Variants in CDH13 observed in about 807,000 individuals in gnomAD.
CDH13 encodes cadherin-13.
CDH13 carries 24 observed loss-of-function variants against 63.8 expected under a neutral mutation model. The ratio of observed to expected loss-of-function variants is 0.38; its 90% CI spans 0.27 to 0.53. The LOEUF (loss-of-function observed/expected upper bound fraction) is 0.53. Ranked by LOEUF, CDH13 falls within the 20% of genes least tolerant of loss-of-function variation. The pLI, the probability that CDH13 is intolerant of heterozygous loss-of-function variation, is 0.85. For synonymous variants in CDH13, 503 were observed against 355.3 expected, an observed-to-expected ratio of 1.42 and a Z score of -4.67; for missense variants, 1,049 against 903.1, an observed-to-expected ratio of 1.16 and a Z score of -2.07.
intron 10 of CDH13, among the ~76,000 whole-genome samples, chr16:83,705,992 A>G (rs986388837): frequency 6.6e-6 from 1 of 152,162 alleles, no homozygotes; most frequent in African/African-American, 2.4e-5. Flanking sequence ...TAGTGACTGG[A>G]AACAACATCG....
rs1466924231 is a variant in CDH13 at position 83,074,179 on chromosome 16, A to G, written c.366+41961A>G. On this transcript the variant is annotated intron_variant, in intron 3 of 13. Transcript: ENST00000567109. ...ATCTGCATCCTTCCCAGCCTCTGGT[A>G]ACCACCATTGCGCTCTTTTTCTCCA... Among the ~76,000 whole-genome samples the G allele has an allele frequency of 6.6e-5, 10 of 152,262 alleles. 1 individual carries two copies. The highest frequency in any genetic ancestry group is 6.2e-4 in the South Asian group (3 of 4,822).
chr16:83,330,707 G>T (rs1352273920), intron 5 of CDH13, among the ~76,000 whole-genome samples: 1 of 152,170 alleles, frequency 6.6e-6, no homozygotes, highest in Non-Finnish European at 1.5e-5. Context: ...TCCTCAGATT[G>T]CACTGGTCCT....
intron 2 of CDH13, among the ~76,000 whole-genome samples, chr16:82,869,303 C>T (rs1396950516): frequency 2.0e-5 from 3 of 151,986 alleles, no homozygotes; most frequent in African/African-American, 7.3e-5. Context: ...GATTCGACCT[C>T]CCAAAGGACT....
chr16:83,017,844 T>A (rs556883984), intron 2 of CDH13, among the ~76,000 whole-genome samples: 1 of 152,154 alleles, frequency 6.6e-6, no homozygotes, highest in African/African-American at 2.4e-5. Flanking sequence ...AGAACTAACA[T>A]AAATGATGTC....
At chr16:82,716,382 T>C (rs2032373276) in intron 1 of CDH13, among the ~76,000 whole-genome samples, 1 of 151,976 alleles carries the variant, frequency 6.6e-6, no homozygotes, top group Non-Finnish European at 1.5e-5. Flanking sequence ...AAATTAGAGA[T>C]GGCTTCAGGT....
intron 1 of CDH13, among the ~76,000 whole-genome samples, chr16:82,729,489 AT>A (rs76225558): frequency 1.4e-3 from 207 of 146,936 alleles, no homozygotes; most frequent in East Asian, 7.9e-3. Flanking sequence ...TTTGGAAGGA[AT>A]TTTTTTTTTT....
At chr16:82,796,959 A>C (rs2151150867) in intron 1 of CDH13, among the ~76,000 whole-genome samples, 1 of 152,310 alleles carries the variant, frequency 6.6e-6, no homozygotes, top group East Asian at 1.9e-4. Context: ...AACTAGACTG[A>C]ATGCCCATTG....
chr16:83,529,345 A>G (rs1301988084), intron 7 of CDH13, among the ~76,000 whole-genome samples: 1 of 152,170 alleles, frequency 6.6e-6, no homozygotes, highest in Non-Finnish European at 1.5e-5. Flanking sequence ...AACTAGCCTA[A>G]AAAATAATAA....
At chr16:82,942,984 ATTTGTATGCCTAAC>A (rs1323874764) in intron 2 of CDH13, among the ~76,000 whole-genome samples, 2 of 152,172 alleles carry the variant, frequency 1.3e-5, no homozygotes, top group Admixed American at 1.3e-4. Context: ...AGCTGAATTT[ATTTGTATGCCTAAC>A]TAAGAATGAG....
At chr16:83,061,311 C>A (rs113585976) in intron 3 of CDH13, among the ~76,000 whole-genome samples, 3 of 152,300 alleles carry the variant, frequency 2.0e-5, no homozygotes, top group African/African-American at 7.2e-5. Context: ...GGCTGTACAT[C>A]AGGGTTGCAA....
At chr16:83,456,430 G>T (rs2073027234) in intron 6 of CDH13, among the ~76,000 whole-genome samples, 1 of 152,160 alleles carries the variant, frequency 6.6e-6, no homozygotes, top group Non-Finnish European at 1.5e-5. Context: ...TTACCTGAGG[G>T]GTCAGTTGCA....
chr16:82,656,683 A>G (rs1221096370), intron 1 of CDH13, among the ~76,000 whole-genome samples: 1 of 152,160 alleles, frequency 6.6e-6, no homozygotes, highest in African/African-American at 2.4e-5. Context: ...CACCATTATG[A>G]TATCACACAG....
chr16:83,312,374 G>T (rs1052095483), intron 5 of CDH13, among the ~76,000 whole-genome samples: 6 of 152,178 alleles, frequency 3.9e-5, no homozygotes, highest in African/African-American at 1.4e-4. Flanking sequence ...AAATCTAAAA[G>T]CTGACAGCTG....
intron 6 of CDH13, among the ~76,000 whole-genome samples, chr16:83,408,312 C>T (rs564122969): frequency 1.1e-4 from 16 of 150,266 alleles, no homozygotes; most frequent in Admixed American, 8.0e-4. Flanking sequence ...ACGTGTCACT[C>T]AACAATGGGT....
chr16:82,981,083 C>G (rs973486928), intron 2 of CDH13, among the ~76,000 whole-genome samples: 1 of 152,118 alleles, frequency 6.6e-6, no homozygotes, highest in Non-Finnish European at 1.5e-5. Flanking sequence ...AATACCCATT[C>G]TAGGTGGTTT....
rs147860561 is a variant in CDH13 at position 83,283,551 on chromosome 16, A to G, written c.637-61311A>G. Among the ~76,000 whole-genome samples the G allele has an allele frequency of 4.0e-3, 606 of 152,344 alleles. 8 individuals carry two copies. The highest frequency in any genetic ancestry group is 0.013 in the African/African-American group (524 of 41,580). ...GTTTGCAGTGAGCCAAGATTGCGCT[A>G]CTGCACTCCAGCCTGGGCAACAGGG... On this transcript the variant is annotated intron_variant, in intron 5 of 13. Coordinates refer to ENST00000567109, the MANE Select transcript of CDH13 (RefSeq NM_001257.5).
intron 7 of CDH13, among the ~76,000 whole-genome samples, chr16:83,596,628 G>A (rs1907284795): frequency 6.6e-6 from 1 of 152,140 alleles, no homozygotes; most frequent in Admixed American, 6.5e-5. Flanking sequence ...TTTCAAGTAA[G>A]AGTGACTCCG....
At chr16:83,599,541 A>T (rs1907585566) in intron 7 of CDH13, among the ~76,000 whole-genome samples, 1 of 152,230 alleles carries the variant, frequency 6.6e-6, no homozygotes, top group African/African-American at 2.4e-5. Flanking sequence ...GCCAAAATGT[A>T]TATAAGCCTT....
At chr16:82,737,202 G>A (rs1261795860) in intron 1 of CDH13, among the ~76,000 whole-genome samples, 1 of 152,212 alleles carries the variant, frequency 6.6e-6, no homozygotes, top group Non-Finnish European at 1.5e-5. Flanking sequence ...CATATCAGGA[G>A]TCAAACTCAT....
Sources: gnomAD v4.1 joint callset for allele counts (sites outside exome capture counted in the v4.1 genomes callset) on GRCh38, gnomAD v4.1.1 for gene constraint, MANE v1.5 for transcripts, NCBI Gene and HGNC (gene_info 2026-07-23, HGNC 2026-07-21) for gene names.